The following CACNA2D4 variants were observed in gnomAD, a reference collection of about 807,000 sequenced individuals.
CACNA2D4 encodes voltage-dependent calcium channel subunit alpha-2/delta-4.
Under a neutral mutation model 163.8 loss-of-function variants are expected in CACNA2D4, and 157 were observed. The ratio of observed to expected loss-of-function variants is 0.96; its 90% confidence interval spans 0.84 to 1.09. The LOEUF is 1.09. Ranked by LOEUF, CACNA2D4 falls within the 50% of genes least tolerant of loss-of-function variation. CACNA2D4 has a pLI of 0.00. For synonymous variants in CACNA2D4, 598 were observed against 586.9 expected (o/e 1.02, Z -0.27); for missense variants, 1,410 against 1,479.9 (o/e 0.95, Z 0.78).
rs762148651 is a variant in CACNA2D4 at position 1,887,022 on chromosome 12, G to C, written c.829C>G (p.Arg277Gly). The C allele has an allele frequency of 6.3e-7, 1 of 1,591,336 alleles. No individual in the cohort carries two copies. Among genetic ancestry groups the C allele is most frequent in the Non-Finnish European group, 8.6e-7 (1 of 1,165,058 alleles). Reference protein sequence around the residue: ...DENGVITFDCRNRGWYIQAAT... With the variant: ...DENGVITFDCGNRGWYIQAAT... ...GTGAGCTCTTACCAGCCGCGGTTTCGGCAGTCAAAAGTAATGACTCCATTC... is the reference window on the plus strand; with the variant it reads ...GTGAGCTCTTACCAGCCGCGGTTTCCGCAGTCAAAAGTAATGACTCCATTC... Residue 277 changes from arginine to glycine, a missense_variant, in exon 7 of 38, where the codon CGA (arginine) becomes GGA (glycine). Coordinates refer to ENST00000382722, the MANE Select transcript of CACNA2D4 (RefSeq NM_172364.5).
chr12:1,856,044 C>G lies in CACNA2D4; in HGVS notation c.2120G>C (p.Arg707Pro). ...RKLSQLEAMI[R>P]FLTRKDPDLE... ...GTCTGGGTCCTTCCTGGTGAGGAAGCGGATCATGGCCTCTAGCTGGCTGAG... is the reference window on the plus strand; with the variant it reads ...GTCTGGGTCCTTCCTGGTGAGGAAGGGGATCATGGCCTCTAGCTGGCTGAG... The change falls in exon 22 of 38, where the codon CGC (arginine) becomes CCC (proline). Residue 707 changes from arginine to proline, a missense_variant. Physicochemically the swap from Arg to Pro is moderately radical, Grantham distance 103 (BLOSUM62 -2). Coordinates refer to ENST00000382722, the MANE Select transcript of CACNA2D4 (RefSeq NM_172364.5). 1.2e-6 allele frequency: 2 copies of G among 1,613,962 alleles called. No individual in the cohort carries two copies. Among genetic ancestry groups the G allele is most frequent in the East Asian group, 2.2e-5 (1 of 44,884 alleles).
At chr12:1,907,414 G>A (rs745428195) in intron 6 of CACNA2D4, 26 bp downstream of exon 6, 3 of 1,604,996 alleles carry the variant, frequency 1.9e-6, no homozygotes, top group African/African-American at 1.3e-5. Flanking sequence ...CCAGAAGGTC[G>A]GGGAGATGCA....
intron 29 of CACNA2D4, among the ~76,000 whole-genome samples, chr12:1,803,262 G>A (rs1311015116): frequency 6.6e-6 from 1 of 152,230 alleles, no homozygotes; most frequent in Non-Finnish European, 1.5e-5. Context: ...ACAAGGGCTA[G>A]GCAGAACGCA....
chr12:1,804,462 G>T (rs760700183), intron 29 of CACNA2D4, among the ~76,000 whole-genome samples: 1 of 152,144 alleles, frequency 6.6e-6, no homozygotes, highest in Non-Finnish European at 1.5e-5. Flanking sequence ...GAGAAGAGAG[G>T]TCCCTGAGAG....
Position 1,918,515 on chromosome 12 carries a change from G to A in CACNA2D4, c.-42C>T. On this transcript the variant is annotated 5_prime_UTR_variant, in exon 1 of 38. Coordinates refer to ENST00000382722, the MANE Select transcript of CACNA2D4 (RefSeq NM_172364.5). ...CCTCCCAGACCCCAGGACGCCCCAG[G>A]CCTTTGTCTTCCGTGCCTTGGCGAG... 6.7e-7 allele frequency: 1 copy of A among 1,500,996 alleles called. No homozygotes were observed. The highest frequency in any genetic ancestry group is 9.0e-7 in the Non-Finnish European group (1 of 1,108,362). The allele number at this position is 1,500,996 out of a possible 1,614,324, so 93.0% of individuals were successfully genotyped here.
intron 26 of CACNA2D4, among the ~76,000 whole-genome samples, chr12:1,813,190 G>C (rs1863765744): frequency 1.3e-5 from 2 of 152,186 alleles, no homozygotes; most frequent in Admixed American, 6.5e-5. Context: ...AATGTGTGAG[G>C]CTGTTACTCC....
At position 1,883,017 on chromosome 12, in the gene CACNA2D4, C is replaced by T. The variant is rs149299602; in HGVS notation, c.1352-17G>A. 3.1e-4 allele frequency: 493 copies of T among 1,608,608 alleles called. 1 individual carries two copies. The African/African-American group carries it at 6.0e-3, about 20-fold the overall frequency. On this transcript the variant is annotated splice_polypyrimidine_tract_variant and intron_variant, in intron 12 of 37. Coordinates refer to ENST00000382722, the MANE Select transcript of CACNA2D4 (RefSeq NM_172364.5). This position sits in a 1 kb window ranked among gnomAD's most constrained non-coding sequence, Gnocchi z 4.5. ...TGTAGTAGCCTGCGGTGGGGAAGGC[C>T]GCGTGGGTGTGGAAGGCAGGGCTTC...
At chr12:1,800,690 C>T (rs1329271007) in intron 31 of CACNA2D4, 1 of 595,318 alleles carries the variant, frequency 1.7e-6, no homozygotes, top group Non-Finnish European at 3.0e-6. Flanking sequence ...CATGCCCCTC[C>T]AGGAGACGAG....
intron 6 of CACNA2D4, among the ~76,000 whole-genome samples, chr12:1,891,437 C>T (rs548113373): frequency 1.3e-4 from 20 of 152,268 alleles, no homozygotes; most frequent in African/African-American, 4.1e-4. Flanking sequence ...AAAAAGTCCT[C>T]CCATATAAAA....
Position 1,834,777 on chromosome 12 carries a change from C to A in CACNA2D4, c.2551+5962G>T. ...GGCGGGGAGAGCACACGGCATTGCTCAGCCACAGCTCCCACCTTGACCCGG... is the reference window on the plus strand; with the variant it reads ...GGCGGGGAGAGCACACGGCATTGCTAAGCCACAGCTCCCACCTTGACCCGG... On this transcript the variant is annotated intron_variant, in intron 26 of 37. Coordinates refer to ENST00000382722, the MANE Select transcript of CACNA2D4 (RefSeq NM_172364.5). The surrounding 1 kb of genome is among the most constrained non-coding windows in gnomAD (Gnocchi z 7.6). The A allele has an allele frequency of 6.6e-7, 1 of 1,522,210 alleles. No homozygotes were observed. Among genetic ancestry groups the A allele is most frequent in the South Asian group, 1.3e-5 (1 of 79,330 alleles). 94.3% of individuals were successfully genotyped at this position (1,522,210 alleles called of 1,614,324 possible).
rs756122685 is a variant in CACNA2D4 at position 1,874,678 on chromosome 12, TC to T, written c.1807-4del. 20 of 1,609,090 alleles carry T rather than the reference TC, an allele frequency of 1.2e-5. No individual in the cohort carries two copies. In the African/African-American group the frequency reaches 2.7e-4, roughly 22 times the overall value. On this transcript the variant is annotated splice_polypyrimidine_tract_variant and splice_region_variant and intron_variant, in intron 17 of 37. Coordinates refer to ENST00000382722, the MANE Select transcript of CACNA2D4 (RefSeq NM_172364.5). The surrounding 1 kb of genome is among the most constrained non-coding windows in gnomAD (Gnocchi z 4.4). ...CTATTGATCATGGCTGTTCTCAGCT[TC>T]AGGAGGAAAGACAATGGCATTAGTT...
At chr12:1,796,578 C>T (rs1863134294) in intron 35 of CACNA2D4, among the ~76,000 whole-genome samples, 1 of 152,242 alleles carries the variant, frequency 6.6e-6, no homozygotes, top group South Asian at 2.1e-4. Flanking sequence ...GCGACAAGTG[C>T]ACAGGGAACG....
At chr12:1,856,263 C>T (rs1865398483) in intron 20 of CACNA2D4, 34 bp from the exon 21 acceptor site, 1 of 1,612,194 alleles carries the variant, frequency 6.2e-7, no homozygotes, top group South Asian at 1.1e-5. Flanking sequence ...GGTGATGCTC[C>T]CTCACTGCCA....
At chr12:1,909,063 A>T (rs1866747787) in intron 4 of CACNA2D4, among the ~76,000 whole-genome samples, 1 of 152,108 alleles carries the variant, frequency 6.6e-6, no homozygotes, top group African/African-American at 2.4e-5. Context: ...TCCTACGCTG[A>T]CACCCAAGGC....
intron 23 of CACNA2D4, among the ~76,000 whole-genome samples, chr12:1,850,892 A>G (rs1327205849): frequency 6.6e-6 from 1 of 152,070 alleles, no homozygotes; most frequent in Non-Finnish European, 1.5e-5. Context: ...AAAAAAAAAA[A>G]AAAAAAAATA....
At chr12:1,856,254 G>A in intron 20 of CACNA2D4, 25 bp from the exon 21 acceptor site, 2 of 1,613,614 alleles carry the variant, frequency 1.2e-6, no homozygotes, top group South Asian at 1.1e-5. Context: ...CACATTCAGG[G>A]TGATGCTCCC....
Position 1,812,148 on chromosome 12 carries a change from G to A in CACNA2D4, c.2552-425C>T, listed in dbSNP as rs890564896. ...CAAGAGTGGCACCCTGGAATTCAGG[G>A]CCGTTGCCCTAGCAACTCATGGGCT... On this transcript the variant is annotated intron_variant, in intron 26 of 37. Coordinates refer to ENST00000382722, the MANE Select transcript of CACNA2D4 (RefSeq NM_172364.5). Among the ~76,000 whole-genome samples, 9 of 152,336 alleles carry A rather than the reference G, an allele frequency of 5.9e-5. No individual in the cohort carries two copies. In the East Asian group the frequency reaches 1.7e-3, roughly 29 times the overall value.
rs1320851159 is a variant in CACNA2D4, at chr12:1,887,074, G to T, written c.782-5C>A. The T allele has an allele frequency of 1.3e-6, 2 of 1,577,184 alleles. No individual in the cohort carries two copies. The highest frequency in any genetic ancestry group is 1.7e-6 in the Non-Finnish European group (2 of 1,157,524). On this transcript the variant is annotated splice_region_variant and splice_polypyrimidine_tract_variant and intron_variant, in intron 6 of 37. Transcript: ENST00000382722. ...CATCAGGTGTCCATTTTATACCTGG[G>T]AGAATAAAGACTCGTTCTTTTACTA...
Position 1,840,729 on chromosome 12 carries a change from C to A in CACNA2D4, c.2551+10G>T. 3 of 1,612,156 alleles carry A rather than the reference C, an allele frequency of 1.9e-6. No individual in the cohort carries two copies. The highest frequency in any genetic ancestry group is 2.5e-6 in the Non-Finnish European group (3 of 1,178,414). The stretch of plus-strand genomic sequence containing the variant: ...CTTCCTGGCCTCAACACCACAAGGG[C>A]CGTTCCTACCTGCAGCAATGGCTGT... On this transcript the variant is annotated intron_variant, in intron 26 of 37. Transcript: ENST00000382722.
Sources: gnomAD v4.1 joint callset for allele counts (sites outside exome capture counted in the v4.1 genomes callset) on GRCh38, gnomAD v4.1.1 for gene constraint, Gnocchi (gnomAD v3.1) non-coding constraint, MANE v1.5 for transcripts, NCBI Gene and HGNC (gene_info 2026-07-23, HGNC 2026-07-21) for gene names.